Variants in CDKN2B-AS1 observed in about 807,000 individuals in gnomAD.
CDKN2B-AS1 encodes CDKN2B and CDKN2A antisense cis and trans regulatory RNA 1.
At chr9:22,002,497 C>T (rs1820969292) in intron 1 of CDKN2B-AS1, among the ~76,000 whole-genome samples, 2 of 151,742 alleles carry the variant, frequency 1.3e-5, no homozygotes, top group East Asian at 1.9e-4. Flanking sequence ...ACCCTACTGA[C>T]TATTACATAT....
intron 3 of CDKN2B-AS1, among the ~76,000 whole-genome samples, chr9:22,053,731 GTATACTAC>G (rs1160228550): frequency 6.6e-6 from 1 of 152,154 alleles, no homozygotes; most frequent in Admixed American, 6.5e-5. Flanking sequence ...TGGAAATACA[GTATACTAC>G]TATGGTGCAT....
intron 4 of CDKN2B-AS1, among the ~76,000 whole-genome samples, chr9:22,087,273 T>C (rs1236527203): frequency 6.6e-6 from 1 of 152,222 alleles, no homozygotes; most frequent in Admixed American, 6.5e-5. Flanking sequence ...CTGGTCACTG[T>C]TGGGTGAAGA....
At chr9:22,090,525 T>A (rs1277033012) in intron 4 of CDKN2B-AS1, among the ~76,000 whole-genome samples, 1 of 152,210 alleles carries the variant, frequency 6.6e-6, no homozygotes, top group African/African-American at 2.4e-5. Context: ...CCATTCTGAC[T>A]GGTGTCAGAT....
intron 1 of CDKN2B-AS1, chr9:22,004,494 T>C (rs946682347): frequency 8.6e-6 from 2 of 232,592 alleles, no homozygotes; most frequent in African/African-American, 4.4e-5. Context: ...TGTGAACCTT[T>C]AACATTTCTC....
intron 4 of CDKN2B-AS1, chr9:22,058,628 T>C (rs1823675324): frequency 6.6e-6 from 1 of 152,306 alleles, no homozygotes; most frequent in African/African-American, 2.4e-5. Flanking sequence ...TGGCTTAAAA[T>C]ATACAGAATT....
chr9:22,012,397 A>T, intron 1 of CDKN2B-AS1: 1 of 826,246 alleles, frequency 1.2e-6, no homozygotes, highest in Non-Finnish European at 2.1e-6. Flanking sequence ...TTGAGCCTTC[A>T]CTCTTCCAGC....
At chr9:22,095,048 C>T (rs1307618727) in intron 4 of CDKN2B-AS1, among the ~76,000 whole-genome samples, 3 of 144,980 alleles carry the variant, frequency 2.1e-5, no homozygotes, top group Non-Finnish European at 4.4e-5. Flanking sequence ...CCCTCAGCTG[C>T]AGGTCTGTTG....
At chr9:22,015,488 T>G (rs1276271806) in intron 1 of CDKN2B-AS1, among the ~76,000 whole-genome samples, 1 of 152,096 alleles carries the variant, frequency 6.6e-6, no homozygotes, top group Non-Finnish European at 1.5e-5. Context: ...AATTTAAAAA[T>G]TATCTTGCCA....
At position 22,021,604 on chromosome 9, in the gene CDKN2B-AS1, G is replaced by T. The variant is rs577137378; in HGVS notation, n.30-25147G>T. Among the ~76,000 whole-genome samples the T allele has an allele frequency of 1.3e-3, 198 of 152,210 alleles. 3 individuals are homozygous for T. The highest frequency in any genetic ancestry group is 4.6e-3 in the African/African-American group (192 of 41,554). ...TTTATGTTATCTCTGATTTCCTTGA[G>T]CAGTAGTTTGTGGTTCTCCTTGTAG... On this transcript the variant is annotated intron_variant and non_coding_transcript_variant, in intron 1 of 4. Coordinates refer to ENST00000650946, the Ensembl canonical transcript of CDKN2B-AS1.
At chr9:22,101,829 T>C (rs190923085) in intron 4 of CDKN2B-AS1, among the ~76,000 whole-genome samples, 3 of 152,262 alleles carry the variant, frequency 2.0e-5, no homozygotes, top group African/African-American at 4.8e-5. Context: ...TCTCTGACTA[T>C]ACCAAGGATG....
At chr9:22,052,209 T>C (rs1242888699) in intron 3 of CDKN2B-AS1, among the ~76,000 whole-genome samples, 1 of 152,178 alleles carries the variant, frequency 6.6e-6, no homozygotes, top group Non-Finnish European at 1.5e-5. Context: ...TCAGTGCCCT[T>C]GGAATTTCGA....
intron 4 of CDKN2B-AS1, among the ~76,000 whole-genome samples, chr9:22,101,369 C>G (rs563678322): frequency 1.3e-5 from 2 of 152,152 alleles, no homozygotes; most frequent in South Asian, 4.2e-4. Flanking sequence ...ATAAGATACT[C>G]AGTCTGAAAC....
intron 4 of CDKN2B-AS1, among the ~76,000 whole-genome samples, chr9:22,093,907 T>C (rs1825184504): frequency 6.9e-6 from 1 of 144,834 alleles, no homozygotes; most frequent in South Asian, 2.1e-4. Context: ...AGTTTCTTCC[T>C]AGCCTTGATG....
chr9:22,088,417 T>G (rs1196507569), intron 4 of CDKN2B-AS1, among the ~76,000 whole-genome samples: 1 of 147,290 alleles, frequency 6.8e-6, no homozygotes, highest in Non-Finnish European at 1.5e-5. Context: ...GAATGCACAA[T>G]TGCACACATA....
chr9:22,117,185 A>T (rs899265361), intron 4 of CDKN2B-AS1, among the ~76,000 whole-genome samples: 1 of 152,192 alleles, frequency 6.6e-6, no homozygotes, highest in Non-Finnish European at 1.5e-5. Flanking sequence ...ACATATTTAG[A>T]GCTTAATTTC....
intron 1 of CDKN2B-AS1, among the ~76,000 whole-genome samples, chr9:22,013,443 C>T (rs1821600760): frequency 6.6e-6 from 1 of 151,948 alleles, no homozygotes; most frequent in Non-Finnish European, 1.5e-5. Context: ...TTGTATCTCT[C>T]TCTCTCTCTT....
chr9:22,104,527 T>A (rs1825593188), intron 4 of CDKN2B-AS1, among the ~76,000 whole-genome samples: 1 of 152,156 alleles, frequency 6.6e-6, no homozygotes, highest in South Asian at 2.1e-4. Context: ...AAGAAAAGCA[T>A]GCAGCCAGCC....
chr9:22,097,704 A>T lies in CDKN2B-AS1; in HGVS notation n.439-29399A>T, dbSNP rs149204368. 1.7e-4 allele frequency among the ~76,000 whole-genome samples: 26 copies of T among 152,308 alleles called. 2 individuals are homozygous for T. In the East Asian group the frequency reaches 4.8e-3, roughly 28 times the overall value. ...TAAAGGTGAAGGCTCGCTGGAAAAC[A>T]TGCCATTCATGTGATAAAAAGCAGG... On this transcript the variant is annotated intron_variant and non_coding_transcript_variant, in intron 4 of 4. Transcript: ENST00000650946.
chr9:22,017,022 T>G (rs1226435590), intron 1 of CDKN2B-AS1, among the ~76,000 whole-genome samples: 3 of 152,266 alleles, frequency 2.0e-5, no homozygotes, highest in Non-Finnish European at 4.4e-5. Context: ...CTTTGATTTC[T>G]GGTATGACAA....
Sources: allele counts gnomAD v4.1 joint callset (sites outside exome capture counted in the v4.1 genomes callset), GRCh38; gene constraint gnomAD v4.1.1; transcripts MANE v1.5; gene names NCBI Gene and HGNC (gene_info 2026-07-23, HGNC 2026-07-21).